The following MTOR variants were observed in gnomAD, a reference collection of about 807,000 sequenced individuals.
MTOR encodes mechanistic target of rapamycin kinase, also known as serine/threonine-protein kinase mTOR.
A neutral mutation model predicts 319.8 loss-of-function variants in MTOR; 70 were observed. The observed-to-expected ratio is 0.22, with a 90% CI of 0.18 to 0.27. The LOEUF (loss-of-function observed/expected upper bound fraction) is 0.27. MTOR is among the 10% of genes least tolerant of loss of function. The pLI is 1.00. For synonymous variants in MTOR, 1,183 were observed against 1,211.4 expected (o/e 0.98, Z 0.49); for missense variants, 1,890 against 3,274.4 (o/e 0.58, Z 10.32).
intron 28 of MTOR, among the ~76,000 whole-genome samples, chr1:11,182,643 C>A (rs749973450): frequency 1.3e-5 from 2 of 152,172 alleles, no homozygotes; most frequent in Non-Finnish European, 2.9e-5. Context: ...CACTGAGCCC[C>A]CTCCCAATCA....
intron 29 of MTOR, among the ~76,000 whole-genome samples, chr1:11,165,572 C>T (rs1192508137): frequency 4.6e-5 from 7 of 152,012 alleles, no homozygotes; most frequent in African/African-American, 1.2e-4. Context: ...GAACTACAAA[C>T]CACTGCTCAA....
At chr1:11,216,462 T>A (rs1037566484) in intron 19 of MTOR, among the ~76,000 whole-genome samples, 3 of 152,118 alleles carry the variant, frequency 2.0e-5, no homozygotes, top group African/African-American at 7.2e-5. Flanking sequence ...AAGAACAGCC[T>A]GGGCAACATG....
At chr1:11,162,966 T>G (rs1489907014) in intron 29 of MTOR, among the ~76,000 whole-genome samples, 1 of 152,060 alleles carries the variant, frequency 6.6e-6, no homozygotes, top group Non-Finnish European at 1.5e-5. Flanking sequence ...GGCTAAATGC[T>G]CCAATTAAAA....
At chr1:11,196,041 A>G (rs1645771628) in intron 28 of MTOR, 1 of 152,208 alleles carries the variant, frequency 6.6e-6, no homozygotes, top group Non-Finnish European at 1.5e-5. Flanking sequence ...GTTAAAGTTA[A>G]ATCAGAGGGT....
intron 34 of MTOR, among the ~76,000 whole-genome samples, chr1:11,141,522 C>A (rs1364286182): frequency 6.6e-6 from 1 of 151,890 alleles, no homozygotes. Flanking sequence ...GTGTGTGCCA[C>A]CATGCCTGGC....
chr1:11,123,222 T>C (rs1174772738), intron 47 of MTOR, among the ~76,000 whole-genome samples: 2 of 152,148 alleles, frequency 1.3e-5, no homozygotes, highest in Non-Finnish European at 2.9e-5. Flanking sequence ...AATTATAAAA[T>C]TTTATAACTT....
chr1:11,188,296 ATT>A (rs1238416664), intron 28 of MTOR, among the ~76,000 whole-genome samples: 1 of 152,206 alleles, frequency 6.6e-6, no homozygotes, highest in Non-Finnish European at 1.5e-5. Context: ...TGTTTTTCAC[ATT>A]TCTTTTCAAA....
In MTOR at chr1:11,167,628, A is replaced by T; in HGVS notation, c.4254-111T>A. 4 of 764,436 alleles carry T rather than the reference A, an allele frequency of 5.2e-6. No individual in the cohort carries two copies. In the South Asian group the frequency reaches 5.8e-5, roughly 11 times the overall value. 47.4% of individuals were successfully genotyped at this position (764,436 alleles called of 1,614,324 possible). On this transcript the variant is annotated intron_variant, in intron 28 of 57. Transcript: ENST00000361445. ...CAGCACTTTGAGGACAATGTCTTGCAGATGCTGAAAGAGTATCAATTATCT... is the reference window on the plus strand; with the variant it reads ...CAGCACTTTGAGGACAATGTCTTGCTGATGCTGAAAGAGTATCAATTATCT...
At chr1:11,213,892 C>T (rs1341764640) in intron 20 of MTOR, among the ~76,000 whole-genome samples, 1 of 152,228 alleles carries the variant, frequency 6.6e-6, no homozygotes, top group African/African-American at 2.4e-5. Flanking sequence ...TCACTTCTCC[C>T]ATGCAGGCTT....
chr1:11,139,516 G>A lies in MTOR; in HGVS notation c.4998+17C>T, dbSNP rs1280744828. ...TGGGGCCCTACCTGCCCATGTGGGT[G>A]GGTGGTTGTCACTCACCAGCCTGCC... On this transcript the variant is annotated intron_variant, in intron 35 of 57. Transcript: ENST00000361445. 6.2e-7 allele frequency: 1 copy of A among 1,614,160 alleles called. No individual in the cohort carries two copies. The highest frequency in any genetic ancestry group is 8.5e-7 in the Non-Finnish European group (1 of 1,180,024).
chr1:11,115,328 A>G lies in MTOR; in HGVS notation c.7089+68T>C. 6.7e-7 allele frequency: 1 copy of G among 1,484,658 alleles called. No individual in the cohort carries two copies. The highest frequency in any genetic ancestry group is 9.4e-7 in the Non-Finnish European group (1 of 1,062,410). 92.0% of individuals were successfully genotyped at this position (1,484,658 alleles called of 1,614,324 possible). A position where few individuals can be genotyped will look rare whatever the true frequency, so the allele number is the denominator to read the frequency against. The stretch of plus-strand genomic sequence containing the variant: ...GCAGTTTGGGCTTAAGTCTGCCTAC[A>G]GTGTCAGAGGAGGGGGAAAAGTGAT... On this transcript the variant is annotated intron_variant, in intron 51 of 57. Transcript: ENST00000361445. This position sits in a 1 kb window ranked among gnomAD's most constrained non-coding sequence, Gnocchi z 4.5.
At chr1:11,130,905 C>T (rs1014565696) in intron 38 of MTOR, 128 bp from the exon 39 acceptor site, 114 of 1,201,588 alleles carry the variant, frequency 9.5e-5, no homozygotes, top group Middle Eastern at 8.1e-4. Context: ...GCAAACACTT[C>T]AAGGAGACAC....
chr1:11,110,479 T>C (rs749921152), intron 54 of MTOR, among the ~76,000 whole-genome samples: 4 of 152,054 alleles, frequency 2.6e-5, no homozygotes, highest in Non-Finnish European at 5.9e-5. Flanking sequence ...ATCGGCTCAC[T>C]GCAACCTCTG....
chr1:11,192,194 G>A (rs1645565101), intron 28 of MTOR: 1 of 1,078,874 alleles, frequency 9.3e-7, no homozygotes, highest in Non-Finnish European at 1.4e-6. Context: ...TAGAAATAAA[G>A]GCTCAGTCTC....
intron 26 of MTOR, among the ~76,000 whole-genome samples, chr1:11,201,304 G>C (rs1049413229): frequency 1.3e-5 from 2 of 152,190 alleles, no homozygotes; most frequent in African/African-American, 4.8e-5. Context: ...GGTGACTGGA[G>C]AGAAAAGAGG....
At chr1:11,166,800 G>T (rs984688908) in intron 29 of MTOR, among the ~76,000 whole-genome samples, 2 of 152,184 alleles carry the variant, frequency 1.3e-5, no homozygotes, top group Non-Finnish European at 2.9e-5. Flanking sequence ...CACACATGAG[G>T]TTTATTGCGG....
intron 49 of MTOR, among the ~76,000 whole-genome samples, chr1:11,117,936 C>T (rs553736124): frequency 2.0e-5 from 3 of 151,826 alleles, no homozygotes; most frequent in East Asian, 2.0e-4. Flanking sequence ...AAAAATTAGC[C>T]GGGTGTGGTG....
At chr1:11,229,160 A>G (rs1274249217) in intron 18 of MTOR, among the ~76,000 whole-genome samples, 6 of 152,248 alleles carry the variant, frequency 3.9e-5, no homozygotes, top group Non-Finnish European at 2.9e-5. Context: ...AAAACAGTAC[A>G]TGATGGGTTG....
intron 28 of MTOR, among the ~76,000 whole-genome samples, chr1:11,198,318 G>T (rs1645852633): frequency 6.6e-6 from 1 of 152,094 alleles, no homozygotes; most frequent in African/African-American, 2.4e-5. Flanking sequence ...CAATTTATTT[G>T]GGCAAAAACA....
Sources: allele counts gnomAD v4.1 joint callset (sites outside exome capture counted in the v4.1 genomes callset), GRCh38; gene constraint gnomAD v4.1.1; non-coding constraint Gnocchi (gnomAD v3.1); transcripts MANE v1.5; gene names NCBI Gene and HGNC (gene_info 2026-07-23, HGNC 2026-07-21).